Variants in ABLIM3 observed in about 807,000 individuals in gnomAD.
ABLIM3 encodes actin-binding LIM protein 3.
ABLIM3 carries 61 observed loss-of-function variants against 109.5 expected under a neutral mutation model. The observed-to-expected ratio is 0.56, with a 90% confidence interval of 0.45 to 0.69. The LOEUF (loss-of-function observed/expected upper bound fraction) is 0.69. Ranked by LOEUF, ABLIM3 falls within the 30% of genes least tolerant of loss-of-function variation. The pLI is 0.00. For synonymous variants in ABLIM3, 300 were observed against 324.8 expected, an observed-to-expected ratio of 0.92 and a Z score of 0.82; for missense variants, 796 against 889.5, an observed-to-expected ratio of 0.89 and a Z score of 1.34.
intron 2 of ABLIM3, among the ~76,000 whole-genome samples, chr5:149,169,021 A>G (rs1468155586): frequency 7.2e-6 from 1 of 139,148 alleles, no homozygotes; most frequent in Non-Finnish European, 1.5e-5. Flanking sequence ...AGAAACACTC[A>G]TACAGTAAAA....
At position 149,251,395 on chromosome 5, in the gene ABLIM3, A is replaced by C; in HGVS notation, c.1825A>C (p.Asn609His). 1.2e-6 allele frequency: 2 copies of C among 1,614,132 alleles called. No individual in the cohort carries two copies. The highest frequency in any genetic ancestry group is 1.7e-6 in the Non-Finnish European group (2 of 1,180,000). ...AGACCTCTTCCACTACGACAGCATGAACGCAGTCAACTGGGGCATGCGAGG... is the reference window on the plus strand; with the variant it reads ...AGACCTCTTCCACTACGACAGCATGCACGCAGTCAACTGGGGCATGCGAGG... The part of the protein sequence containing the change: ...SADLFHYDSM[N>H]AVNWGMREYK... Residue 609 changes from asparagine to histidine, a missense_variant, in exon 21 of 24, where the codon AAC becomes CAC. Asn to His is a moderately conservative substitution (Grantham distance 68). Transcript: ENST00000309868.
chr5:149,249,989 T>G, intron 19 of ABLIM3, 145 bp downstream of exon 19: 2 of 1,055,676 alleles, frequency 1.9e-6, no homozygotes, highest in Middle Eastern at 2.1e-4. Context: ...TCCATTGTAT[T>G]TGTCAGATTG....
intron 2 of ABLIM3, among the ~76,000 whole-genome samples, chr5:149,158,991 C>T (rs1401957727): frequency 6.6e-6 from 1 of 152,180 alleles, no homozygotes; most frequent in Non-Finnish European, 1.5e-5. Context: ...ATTCAACATA[C>T]ACCTACCTAT....
At chr5:149,180,745 C>G (rs909399920) in intron 2 of ABLIM3, among the ~76,000 whole-genome samples, 3 of 152,206 alleles carry the variant, frequency 2.0e-5, no homozygotes, top group Non-Finnish European at 2.9e-5. Context: ...ACAGCATCAG[C>G]AAAGCAGCAT....
At position 149,198,527 on chromosome 5, in the gene ABLIM3, C is replaced by T. The variant is rs1360482028; in HGVS notation, c.335+125C>T. 6.6e-6 allele frequency: 8 copies of T among 1,205,416 alleles called. No homozygotes were observed. Among genetic ancestry groups the T allele is most frequent in the Non-Finnish European group, 7.9e-6 (7 of 883,502 alleles). 74.7% of individuals were successfully genotyped at this position (1,205,416 alleles called of 1,614,324 possible). A position where few individuals can be genotyped will look rare whatever the true frequency, so the allele number is the denominator to read the frequency against. ...GTGCTGCACATTTAGATTTCTGGAA[C>T]CTCAGGTGTGGAGGGATCTGATGGG... is the stretch of plus-strand genomic sequence containing the variant. On this transcript the variant is annotated intron_variant, in intron 4 of 23. Transcript: ENST00000309868. The surrounding 1 kb of genome is among the most constrained non-coding windows in gnomAD (Gnocchi z 4.2).
intron 2 of ABLIM3, among the ~76,000 whole-genome samples, chr5:149,160,931 C>T (rs1754303881): frequency 6.6e-6 from 1 of 152,200 alleles, no homozygotes; most frequent in Non-Finnish European, 1.5e-5. Flanking sequence ...GAATGAATGC[C>T]CGTGTTCATA....
intron 8 of ABLIM3, among the ~76,000 whole-genome samples, chr5:149,223,480 T>C (rs1205521511): frequency 6.6e-5 from 10 of 152,226 alleles, no homozygotes; most frequent in Non-Finnish European, 1.0e-4. Flanking sequence ...GACAGAAACC[T>C]AACTCAAGCT....
chr5:149,149,439 T>C (rs1331458461), intron 2 of ABLIM3, among the ~76,000 whole-genome samples: 6 of 152,190 alleles, frequency 3.9e-5, no homozygotes, highest in Admixed American at 3.9e-4. Flanking sequence ...GATTAAAAAT[T>C]AGTCTGTTCT....
intron 7 of ABLIM3, among the ~76,000 whole-genome samples, chr5:149,214,461 T>C (rs1759851615): frequency 6.6e-6 from 1 of 152,222 alleles, no homozygotes; most frequent in African/African-American, 2.4e-5. Flanking sequence ...TGACTCTCAT[T>C]GGACAATCTC....
intron 8 of ABLIM3, among the ~76,000 whole-genome samples, chr5:149,225,856 T>C (rs1761133464): frequency 6.6e-6 from 1 of 151,320 alleles, no homozygotes; most frequent in African/African-American, 2.4e-5. Context: ...GCCTCCAATT[T>C]CATCTGGGTT....
At chr5:149,188,374 C>G (rs1046132843) in intron 3 of ABLIM3, among the ~76,000 whole-genome samples, 2 of 152,076 alleles carry the variant, frequency 1.3e-5, no homozygotes, top group African/African-American at 4.8e-5. Context: ...AATAAACAAT[C>G]TGAAAATAAA....
Position 149,183,414 on chromosome 5 carries a change from AG to A in ABLIM3, c.14-35del, listed in dbSNP as rs762324235. On this transcript the variant is annotated intron_variant, in intron 2 of 23. Coordinates refer to ENST00000309868, the MANE Select transcript of ABLIM3 (RefSeq NM_014945.5). ...CTTGCAGCAGACTTTGTAAAGAATC[AG>A]GGCCTCTGGATAGTGATCTCTTTGT... 4 of 1,477,362 alleles carry A rather than the reference AG, an allele frequency of 2.7e-6. No homozygotes were observed. In the South Asian group the frequency reaches 4.2e-5, roughly 16 times the overall value. 91.5% of individuals were successfully genotyped at this position (1,477,362 alleles called of 1,614,324 possible). A position where few individuals can be genotyped will look rare whatever the true frequency, so the allele number is the denominator to read the frequency against.
rs142667681 is a variant in ABLIM3, at chr5:149,190,243, G to A, written c.151+6654G>A. On this transcript the variant is annotated intron_variant, in intron 3 of 23. Coordinates refer to ENST00000309868, the MANE Select transcript of ABLIM3 (RefSeq NM_014945.5). ...ATAAGGAGTGATTTGTAATGGGTTT[G>A]TGGCTTGTTTTGGAGGTGATGAAAA... Among the ~76,000 whole-genome samples, 80 of 152,316 alleles carry A rather than the reference G, an allele frequency of 5.3e-4. 1 individual carries two copies. The highest frequency in any genetic ancestry group is 1.8e-3 in the African/African-American group (75 of 41,578).
At chr5:149,197,282 A>C (rs1758065984) in intron 3 of ABLIM3, among the ~76,000 whole-genome samples, 1 of 151,832 alleles carries the variant, frequency 6.6e-6, no homozygotes, top group African/African-American at 2.4e-5. Context: ...CACAAATATC[A>C]CTTGCACCTT....
At position 149,142,252 on chromosome 5, in the gene ABLIM3, G is replaced by T. The variant is rs528235713; in HGVS notation, c.13+144G>T. 4 of 1,174,832 alleles carry T rather than the reference G, an allele frequency of 3.4e-6. No individual in the cohort carries two copies. In the African/African-American group the frequency reaches 6.1e-5, roughly 18 times the overall value. The allele number at this position is 1,174,832 out of a possible 1,614,324, so 72.8% of individuals were successfully genotyped here. A position where few individuals can be genotyped will look rare whatever the true frequency, so the allele number is the denominator to read the frequency against. ...CCCAGGCTCTTTTTTGGTGCTTTCC[G>T]TGCTCCTTGGCAGAGGGATAGCTTC... On this transcript the variant is annotated intron_variant, in intron 2 of 23. Coordinates refer to ENST00000309868, the MANE Select transcript of ABLIM3 (RefSeq NM_014945.5).
At chr5:149,142,550 G>A (rs985734121) in intron 2 of ABLIM3, among the ~76,000 whole-genome samples, 2 of 152,192 alleles carry the variant, frequency 1.3e-5, no homozygotes, top group African/African-American at 4.8e-5. Context: ...GCAGTGGGCT[G>A]GGAAGCCGCA....
chr5:149,192,424 A>G (rs932719033), intron 3 of ABLIM3, among the ~76,000 whole-genome samples: 4 of 152,106 alleles, frequency 2.6e-5, no homozygotes, highest in African/African-American at 9.7e-5. Flanking sequence ...CCTATTGTAC[A>G]AACTGTACAG....
At chr5:149,147,165 C>A (rs532194226) in intron 2 of ABLIM3, among the ~76,000 whole-genome samples, 176 of 150,910 alleles carry the variant, frequency 1.2e-3, no homozygotes, top group Non-Finnish European at 2.0e-3. Context: ...GGATTATGTT[C>A]TTGATTTGGC....
At chr5:149,183,370 GC>G in intron 2 of ABLIM3, 81 bp from the exon 3 acceptor site, 1 of 1,420,572 alleles carries the variant, frequency 7.0e-7, no homozygotes, top group Non-Finnish European at 9.3e-7. Flanking sequence ...TTTTCTTCCA[GC>G]TACAATTATG....
Sources: allele counts gnomAD v4.1 joint callset (sites outside exome capture counted in the v4.1 genomes callset), GRCh38; gene constraint gnomAD v4.1.1; non-coding constraint Gnocchi (gnomAD v3.1); transcripts MANE v1.5; gene names NCBI Gene and HGNC (gene_info 2026-07-23, HGNC 2026-07-21).